The following ADH6 variants were observed in gnomAD, a reference collection of about 807,000 sequenced individuals.
The protein encoded by ADH6 is alcohol dehydrogenase 6.
ADH6 carries 34 observed loss-of-function variants against 36.5 expected under a neutral mutation model. The observed-to-expected ratio is 0.93, with a 90% CI of 0.71 to 1.24. The LOEUF (loss-of-function observed/expected upper bound fraction) is 1.24. Among genes scored for constraint, ADH6 ranks in the 50% most tolerant of loss-of-function variants. The probability of loss-of-function intolerance (pLI) is 0.00; values close to 1 mark genes in which losing one functional copy is unlikely to be tolerated. For missense variants in ADH6, 440 were observed against 447.0 expected (o/e 0.98, Z 0.14); for synonymous variants, 161 against 155.5 (o/e 1.04, Z -0.26).
At chr4:99,213,846 A>G (rs1007596861) in intron 2 of ADH6, 99 bp from the exon 3 acceptor site, 12 of 1,018,282 alleles carry the variant, frequency 1.2e-5, no homozygotes, top group Non-Finnish European at 1.5e-5. Flanking sequence ...GATATTCTCC[A>G]TTTATACACT....
At chr4:99,204,457 G>A (rs1730949467) in intron 8 of ADH6, 5 of 1,352,726 alleles carry the variant, frequency 3.7e-6, no homozygotes, top group Admixed American at 3.6e-5. Context: ...CTCGTGTGGG[G>A]AATGCCAGTT....
chr4:99,204,357 G>T, intron 8 of ADH6, 114 bp from the exon 9 acceptor site: 1 of 1,474,418 alleles, frequency 6.8e-7, no homozygotes, highest in Non-Finnish European at 8.9e-7. Context: ...TTCTCTTTAG[G>T]TGAAAAATGA....
chr4:99,206,872 A>C (rs1039166144), intron 7 of ADH6, among the ~76,000 whole-genome samples: 1 of 152,282 alleles, frequency 6.6e-6, no homozygotes, highest in East Asian at 1.9e-4. Context: ...ATAGTCTTCT[A>C]AAGTCTATAA....
chr4:99,207,363 T>C, intron 7 of ADH6, 83 bp downstream of exon 7: 1 of 1,561,178 alleles, frequency 6.4e-7, no homozygotes, highest in Non-Finnish European at 8.7e-7. Flanking sequence ...TTTTATGTCC[T>C]TTCTTAAGCG....
In ADH6 at chr4:99,202,766, A is replaced by G. The variant is rs1302298393; in HGVS notation, c.*1453T>C. On this transcript the variant is annotated 3_prime_UTR_variant, in exon 9 of 9. Transcript: ENST00000394899. ...CAAGTTCTCACTGTTAGTAAGGTCA[A>G]TTTGGGGGCAGAACAGGAACATGCC... The G allele has an allele frequency of 3.8e-5, 15 of 398,110 alleles. No individual in the cohort carries two copies. The East Asian group carries it at 4.3e-4, about 11-fold the overall frequency. The allele number at this position is 398,110 out of a possible 1,614,324, so 24.7% of individuals were successfully genotyped here. A position where few individuals can be genotyped will look rare whatever the true frequency, so the allele number is the denominator to read the frequency against.
chr4:99,218,648 A>G (rs1731533725), intron 1 of ADH6, among the ~76,000 whole-genome samples: 1 of 151,896 alleles, frequency 6.6e-6, no homozygotes, highest in African/African-American at 2.4e-5. Context: ...TGCATGGGAT[A>G]TTTTCTCAGT....
chr4:99,217,131 G>A (rs1731465111), intron 1 of ADH6, among the ~76,000 whole-genome samples: 1 of 152,112 alleles, frequency 6.6e-6, no homozygotes. Context: ...CGCCTTCCGG[G>A]TTCATGCCAT....
At chr4:99,213,842 C>T in intron 2 of ADH6, 95 bp from the exon 3 acceptor site, 1 of 1,141,550 alleles carries the variant, frequency 8.8e-7, no homozygotes, top group Non-Finnish European at 1.2e-6. Flanking sequence ...GTTTGATATT[C>T]TCCATTTATA....
intron 1 of ADH6, among the ~76,000 whole-genome samples, chr4:99,218,416 T>C (rs1195301635): frequency 1.3e-5 from 2 of 152,234 alleles, no homozygotes; most frequent in African/African-American, 4.8e-5. Flanking sequence ...GCTTTATCTC[T>C]TTCTTGCTTT....
intron 1 of ADH6, among the ~76,000 whole-genome samples, chr4:99,218,423 C>T (rs1731525304): frequency 6.6e-6 from 1 of 152,172 alleles, no homozygotes. Flanking sequence ...CTCTTTCTTG[C>T]TTTTACCACC....
chr4:99,207,706 C>T (rs1731085412), intron 6 of ADH6, 125 bp from the exon 7 acceptor site: 3 of 1,006,476 alleles, frequency 3.0e-6, no homozygotes, highest in Non-Finnish European at 4.3e-6. Flanking sequence ...TCCCTATTCT[C>T]ATTTGAAGTA....
chr4:99,214,341 A>G (rs1008100005), intron 2 of ADH6, among the ~76,000 whole-genome samples: 2 of 152,150 alleles, frequency 1.3e-5, no homozygotes, highest in Non-Finnish European at 2.9e-5. Context: ...GCAGTGAGCT[A>G]TGATTTTGTA....
At chr4:99,213,873 A>G in intron 2 of ADH6, 126 bp from the exon 3 acceptor site, 2 of 804,098 alleles carry the variant, frequency 2.5e-6, no homozygotes, top group Admixed American at 3.5e-5. Flanking sequence ...ATTTCTTATC[A>G]GTTTTAATTC....
chr4:99,207,541 C>G lies in ADH6; in HGVS notation c.869G>C (p.Cys290Ser), dbSNP rs906174069. ...LASCNESYGV[C>S]VVVGVLPASV... ...GGCAGGCAACACCCCAACAACCACA[C>G]AGACCCCATAGCTCTCATTGCAGGA... is the stretch of plus-strand genomic sequence containing the variant. The change falls in exon 7 of 9, where the codon TGT (cysteine) becomes TCT (serine). Residue 290 changes from cysteine to serine, a missense_variant. By Grantham distance (112) the Cys-to-Ser change is moderately radical. Coordinates refer to ENST00000394899, the MANE Select transcript of ADH6 (RefSeq NM_001102470.2). 6.2e-7 allele frequency: 1 copy of G among 1,613,544 alleles called. No homozygotes were observed. Among genetic ancestry groups the G allele is most frequent in the Admixed American group, 1.7e-5 (1 of 59,896 alleles).
chr4:99,217,185 A>G (rs375075916), intron 1 of ADH6, among the ~76,000 whole-genome samples: 165 of 152,072 alleles, frequency 1.1e-3, no homozygotes, highest in Admixed American at 1.6e-3. Context: ...ACAGGCGCCC[A>G]CCACCACGCC....
At chr4:99,207,352 G>A in intron 7 of ADH6, 94 bp downstream of exon 7, 1 of 1,514,560 alleles carries the variant, frequency 6.6e-7, no homozygotes, top group East Asian at 2.3e-5. Context: ...TAAAGCTGTT[G>A]TTTTATGTCC....
rs115695022 is a variant in ADH6, at chr4:99,210,031, C to T, written c.567+51G>A. The T allele has an allele frequency of 1.0e-3, 1,646 of 1,576,126 alleles. 18 individuals are homozygous for T. In the African/African-American group the frequency reaches 0.02, roughly 19 times the overall value. ...GATGACAAAGATGCAAGAGGCCTTT[C>T]AACTCCATATCCCAATAATTCCCTT... On this transcript the variant is annotated intron_variant, in intron 5 of 8. Transcript: ENST00000394899.
chr4:99,218,611 A>T (rs1731532325), intron 1 of ADH6, among the ~76,000 whole-genome samples: 1 of 152,122 alleles, frequency 6.6e-6, no homozygotes. Flanking sequence ...TTTACCTTTC[A>T]GCCCCCAAAC....
intron 1 of ADH6, 121 bp downstream of exon 1, chr4:99,219,014 T>C: frequency 1.1e-6 from 1 of 935,062 alleles, no homozygotes; most frequent in South Asian, 1.4e-5. Context: ...GATACTATGA[T>C]TATGACAGCC....
Sources: allele counts gnomAD v4.1 joint callset (sites outside exome capture counted in the v4.1 genomes callset), GRCh38; gene constraint gnomAD v4.1.1; transcripts MANE v1.5; gene names NCBI Gene and HGNC (gene_info 2026-07-23, HGNC 2026-07-21).